The following ATP6V1G1 variants were observed in gnomAD, a reference collection of about 807,000 sequenced individuals.
ATP6V1G1 encodes the protein V-type proton ATPase subunit G 1.
Under a neutral mutation model 14.2 loss-of-function variants are expected in ATP6V1G1, and 14 were observed. The observed-to-expected ratio is 0.99, with a 90% CI of 0.65 to 1.55. The LOEUF is 1.55. ATP6V1G1 is among the 40% of genes most tolerant of loss of function. ATP6V1G1 has a pLI of 0.00. For missense variants in ATP6V1G1, 137 were observed against 146.4 expected (o/e 0.94, Z 0.33); for synonymous variants, 65 against 53.3 (o/e 1.22, Z -0.96).
intron 1 of ATP6V1G1, among the ~76,000 whole-genome samples, chr9:114,589,130 C>A (rs2133556426): frequency 6.6e-6 from 1 of 152,334 alleles, no homozygotes; most frequent in South Asian, 2.1e-4. Flanking sequence ...AACACTTCTT[C>A]CCGGGAAGCC....
intron 1 of ATP6V1G1, among the ~76,000 whole-genome samples, chr9:114,590,832 C>T (rs559116090): frequency 3.3e-5 from 5 of 151,936 alleles, no homozygotes; most frequent in Non-Finnish European, 4.4e-5. Flanking sequence ...CTCGCTCTGT[C>T]GCCCCCAGGC....
rs529216093 is a variant in ATP6V1G1 at position 114,598,741 on chromosome 9, A to C, written c.*998A>C. ...ACCTTCATACTAGCCCTTACAAGTTAAATGTCCTGTGGCCATCTTAGCCGA... is the reference window on the plus strand; with the variant it reads ...ACCTTCATACTAGCCCTTACAAGTTCAATGTCCTGTGGCCATCTTAGCCGA... On this transcript the variant is annotated 3_prime_UTR_variant, in exon 3 of 3. Transcript: ENST00000374050. 1.3e-5 allele frequency among the ~76,000 whole-genome samples: 2 copies of C among 152,318 alleles called. No individual in the cohort carries two copies. The highest frequency in any genetic ancestry group is 3.9e-4 in the East Asian group (2 of 5,186).
chr9:114,598,323 G>T lies in ATP6V1G1; in HGVS notation c.*580G>T, dbSNP rs1845262968. Reference sequence around the variant, plus strand: ...GATAGAATTCAAGAACTTGTTACATGTATTACTTGGTGTATCGATAATCAT... The same window carrying T: ...GATAGAATTCAAGAACTTGTTACATTTATTACTTGGTGTATCGATAATCAT... On this transcript the variant is annotated 3_prime_UTR_variant, in exon 3 of 3. Transcript: ENST00000374050. 1 of 152,422 alleles carries T rather than the reference G, an allele frequency of 6.6e-6. No individual in the cohort carries two copies. Among genetic ancestry groups the T allele is most frequent in the Non-Finnish European group, 1.5e-5 (1 of 68,010 alleles). The allele number at this position is 152,422 out of a possible 1,614,324, so 9.4% of individuals were successfully genotyped here. A position where few individuals can be genotyped will look rare whatever the true frequency, so the allele number is the denominator to read the frequency against.
At chr9:114,593,111 T>C (rs543446812) in intron 2 of ATP6V1G1, among the ~76,000 whole-genome samples, 19 of 152,312 alleles carry the variant, frequency 1.2e-4, no homozygotes, top group Non-Finnish European at 2.1e-4. Flanking sequence ...TTACCAGTGA[T>C]GTAGGCTATA....
intron 1 of ATP6V1G1, among the ~76,000 whole-genome samples, chr9:114,592,261 G>T (rs563872758): frequency 1.4e-4 from 21 of 152,148 alleles, no homozygotes; most frequent in Non-Finnish European, 2.6e-4. Context: ...GTTCTTAATA[G>T]TTGAGATTGA....
At chr9:114,590,321 A>G (rs1353054814) in intron 1 of ATP6V1G1, among the ~76,000 whole-genome samples, 1 of 146,434 alleles carries the variant, frequency 6.8e-6, no homozygotes, top group African/African-American at 2.5e-5. Context: ...GTGCAGTGGC[A>G]CCATCTTGGC....
At chr9:114,590,917 G>T (rs57308102) in intron 1 of ATP6V1G1, among the ~76,000 whole-genome samples, 6 of 151,714 alleles carry the variant, frequency 4.0e-5, no homozygotes, top group Non-Finnish European at 8.8e-5. Flanking sequence ...TGCCTCAGCC[G>T]CCCGAGTAGC....
At chr9:114,594,216 T>C (rs1845211820) in intron 2 of ATP6V1G1, among the ~76,000 whole-genome samples, 1 of 152,016 alleles carries the variant, frequency 6.6e-6, no homozygotes, top group African/African-American at 2.4e-5. Context: ...ATTGCAGGCA[T>C]GCGCCACCAC....
At chr9:114,588,283 T>G (rs188042927) in intron 1 of ATP6V1G1, among the ~76,000 whole-genome samples, 167 of 152,110 alleles carry the variant, frequency 1.1e-3, no homozygotes, top group Admixed American at 8.0e-3. Flanking sequence ...TTGCTTGGTC[T>G]AGAAACCTGG....
intron 2 of ATP6V1G1, among the ~76,000 whole-genome samples, chr9:114,593,916 C>A (rs1465572535): frequency 6.6e-6 from 1 of 151,994 alleles, no homozygotes; most frequent in Non-Finnish European, 1.5e-5. Flanking sequence ...TAAACCAAGA[C>A]CCTGTCTCTA....
At position 114,592,654 on chromosome 9, in the gene ATP6V1G1, T is replaced by C; in HGVS notation, c.183+2T>C. The C allele has an allele frequency of 6.4e-7, 1 of 1,568,988 alleles. No individual in the cohort carries two copies. The highest frequency in any genetic ancestry group is 2.3e-5 in the East Asian group (1 of 42,808). Reference sequence around the variant, plus strand: ...GAATTCAAGGCCAAGGAAGCTGCGGTGGGGCACCATTTGTTTTTGTTACTG... The same window carrying C: ...GAATTCAAGGCCAAGGAAGCTGCGGCGGGGCACCATTTGTTTTTGTTACTG... On this transcript the variant is annotated splice_donor_variant, in intron 2 of 2. Transcript: ENST00000374050. LOFTEE classifies it high-confidence loss of function.
intron 1 of ATP6V1G1, 131 bp from the exon 2 acceptor site, chr9:114,592,421 C>T: frequency 3.4e-6 from 3 of 891,428 alleles, no homozygotes; most frequent in Non-Finnish European, 5.0e-6. Context: ...TGAATTCCCT[C>T]TTTCCCATGC....
chr9:114,598,570 C>A lies in ATP6V1G1; in HGVS notation c.*827C>A, dbSNP rs73656155. Among the ~76,000 whole-genome samples the A allele has an allele frequency of 6.6e-6, 1 of 152,158 alleles. No individual in the cohort carries two copies. The highest frequency in any genetic ancestry group is 6.5e-5 in the Admixed American group (1 of 15,276). The stretch of plus-strand genomic sequence containing the variant: ...TCCTGATACATGTGTCATGTGATTT[C>A]TTCCAACAAATGTTTTGGAAAACAG... On this transcript the variant is annotated 3_prime_UTR_variant, in exon 3 of 3. Coordinates refer to ENST00000374050, the MANE Select transcript of ATP6V1G1 (RefSeq NM_004888.4).
intron 2 of ATP6V1G1, among the ~76,000 whole-genome samples, chr9:114,594,710 C>A (rs1327814413): frequency 2.0e-5 from 3 of 151,858 alleles, no homozygotes; most frequent in Non-Finnish European, 4.4e-5. Flanking sequence ...ATTCTTTTTT[C>A]TTTTTCGTGG....
chr9:114,595,123 C>T (rs1845224986), intron 2 of ATP6V1G1, among the ~76,000 whole-genome samples: 1 of 152,070 alleles, frequency 6.6e-6, no homozygotes, highest in East Asian at 1.9e-4. Context: ...CTGCCTCAGC[C>T]TCCCAAAGTG....
intron 2 of ATP6V1G1, among the ~76,000 whole-genome samples, chr9:114,594,585 G>T (rs1262276769): frequency 6.6e-6 from 1 of 151,884 alleles, no homozygotes; most frequent in Non-Finnish European, 1.5e-5. Context: ...GGGTTTCACT[G>T]TGTTGGCCAG....
intron 2 of ATP6V1G1, among the ~76,000 whole-genome samples, chr9:114,596,535 A>T (rs1406841162): frequency 6.6e-6 from 1 of 152,160 alleles, no homozygotes; most frequent in African/African-American, 2.4e-5. Context: ...AATAGATGTG[A>T]CACACTGGTG....
chr9:114,597,664 A>G lies in ATP6V1G1; in HGVS notation c.278A>G (p.Asp93Gly). Residue 93 changes from aspartate to glycine, a missense_variant, in exon 3 of 3, where the codon GAT (aspartate) becomes GGT (glycine). Transcript: ENST00000374050. The stretch of plus-strand genomic sequence containing the variant: ...CAGACATACTTCCGGCAGAACAGGG[A>G]TGAAGTCTTGGACAACCTCTTGGCT... ...ILQTYFRQNR[D>G]EVLDNLLAFV... is the part of the protein sequence containing the mutation. The G allele has an allele frequency of 6.3e-7, 1 of 1,597,056 alleles. No individual in the cohort carries two copies. Among genetic ancestry groups the G allele is most frequent in the Non-Finnish European group, 8.5e-7 (1 of 1,173,482 alleles).
At chr9:114,596,354 C>T (rs1845238129) in intron 2 of ATP6V1G1, among the ~76,000 whole-genome samples, 1 of 148,372 alleles carries the variant, frequency 6.7e-6, no homozygotes, top group African/African-American at 2.5e-5. Context: ...CGCCACTGCA[C>T]TCCAGCCTGG....
Sources: gnomAD v4.1 joint callset for allele counts (sites outside exome capture counted in the v4.1 genomes callset) on GRCh38, gnomAD v4.1.1 for gene constraint, MANE v1.5 for transcripts, NCBI Gene and HGNC (gene_info 2026-07-23, HGNC 2026-07-21) for gene names.